The following NFASC variants were observed in gnomAD, a reference collection of about 807,000 sequenced individuals.
The protein encoded by NFASC is neurofascin.
Under a neutral mutation model 147.5 loss-of-function variants are expected in NFASC, and 43 were observed. The ratio of observed to expected loss-of-function variants is 0.29; its 90% confidence interval spans 0.23 to 0.38. NFASC has a LOEUF of 0.38. Ranked by LOEUF, NFASC falls within the 10% of genes least tolerant of loss-of-function variation. The pLI, the probability that NFASC is intolerant of heterozygous loss-of-function variation, is 1.00. For missense variants in NFASC, 1,320 were observed against 1,689.0 expected (o/e 0.78, Z 3.83); for synonymous variants, 622 against 665.5 (o/e 0.93, Z 1.01).
At chr1:204,919,283 C>A (rs2089974565) in intron 1 of NFASC, among the ~76,000 whole-genome samples, 1 of 152,168 alleles carries the variant, frequency 6.6e-6, no homozygotes, top group Non-Finnish European at 1.5e-5. Flanking sequence ...CCTCAGCCTC[C>A]CAAAGTGCTA....
intron 16 of NFASC, chr1:204,977,192 T>G (rs2095424794): frequency 1.1e-6 from 1 of 923,404 alleles, no homozygotes; most frequent in Non-Finnish European, 1.3e-6. Context: ...CCAGCCTTCC[T>G]TTCCCTCCCG....
At chr1:205,008,015 G>C (rs1266767340) in intron 27 of NFASC, among the ~76,000 whole-genome samples, 2 of 152,170 alleles carry the variant, frequency 1.3e-5, no homozygotes, top group African/African-American at 4.8e-5. Context: ...GTACTCACAA[G>C]CCTTGTTCTC....
chr1:204,997,348 C>T lies in NFASC; in HGVS notation c.2961C>T (p.Ala987=). 2 of 1,558,504 alleles carry T rather than the reference C, an allele frequency of 1.3e-6. No homozygotes were observed. Among genetic ancestry groups the T allele is most frequent in the South Asian group, 1.2e-5 (1 of 85,378 alleles). Residue 987 remains alanine, a synonymous_variant, in exon 25 of 30, where the codon GCC becomes GCT. Coordinates refer to ENST00000339876, the MANE Select transcript of NFASC (RefSeq NM_001005388.3). ...CAACTACTACAACCACTGCTGCCGC[C>T]ACCACCACCACGGAGAGTCCTCCCA... ...VATTTTTTAA[A]TTTTESPPTT...
intron 2 of NFASC, among the ~76,000 whole-genome samples, chr1:204,925,136 A>G (rs2091262657): frequency 6.6e-6 from 1 of 152,182 alleles, no homozygotes; most frequent in Non-Finnish European, 1.5e-5. Flanking sequence ...AGCCTCCCAA[A>G]GTGCTGGGAT....
At chr1:204,984,321 T>TTATATATATATGTGTGTGTGTGTG in intron 21 of NFASC, 1 of 494,652 alleles carries the variant, frequency 2.0e-6, no homozygotes, top group Non-Finnish European at 3.6e-6. Context: ...GAAAAAAAAA[T>TTATATATATATGTGTGTGTGTGTG]TATATATATA....
Position 205,016,826 on chromosome 1 carries a change from G to T in NFASC, c.*287G>T. The T allele has an allele frequency of 2.0e-6, 1 of 501,920 alleles. No homozygotes were observed. The highest frequency in any genetic ancestry group is 3.7e-6 in the Non-Finnish European group (1 of 270,996). The allele number at this position is 501,920 out of a possible 1,614,324, so 31.1% of individuals were successfully genotyped here. On this transcript the variant is annotated 3_prime_UTR_variant, in exon 30 of 30. Transcript: ENST00000339876. The surrounding 1 kb of genome is among the most constrained non-coding windows in gnomAD (Gnocchi z 5.1). ...GCCCGGTCTCGCAGCCACCCCGAGC[G>T]TTCCACCACACTGTCCGCCCTTGGC...
At chr1:204,861,205 C>A (rs1427295316) in intron 1 of NFASC, among the ~76,000 whole-genome samples, 1 of 149,444 alleles carries the variant, frequency 6.7e-6, no homozygotes, top group Non-Finnish European at 1.5e-5. Flanking sequence ...CCTCCCACCT[C>A]AACCTCCTGA....
rs139508953 is a variant in NFASC at position 204,968,962 on chromosome 1, C to T, written c.983C>T (p.Thr328Met). 41 of 1,613,744 alleles carry T rather than the reference C, an allele frequency of 2.5e-5. No homozygotes were observed. The highest frequency in any genetic ancestry group is 1.3e-4 in the East Asian group (6 of 44,874). ...AACAAGATGGGCAGCATCCGGCACA[C>T]GATCTCGGTGAGAGTAAAGGGTACG... Reference protein sequence around the residue: ...ASNKMGSIRHTISVRVKAAPY... With the variant: ...ASNKMGSIRHMISVRVKAAPY... Residue 328 changes from threonine to methionine, a missense_variant, in exon 10 of 30, where the codon ACG becomes ATG. Thr to Met is a moderately conservative substitution (Grantham distance 81, BLOSUM62 -1). This residue lies in a region of NFASC where 981 missense variants were observed against 1,289.5 expected (regional missense o/e 0.76). Transcript: ENST00000339876. The surrounding 1 kb of genome is among the most constrained non-coding windows in gnomAD (Gnocchi z 5.4).
chr1:204,880,504 C>T (rs1244976067), intron 1 of NFASC, among the ~76,000 whole-genome samples: 10 of 152,038 alleles, frequency 6.6e-5, no homozygotes, highest in Admixed American at 2.0e-4. Context: ...TACAGGCACC[C>T]GCCACCACGC....
At chr1:204,907,499 A>G (rs1467842510) in intron 1 of NFASC, among the ~76,000 whole-genome samples, 1 of 152,184 alleles carries the variant, frequency 6.6e-6, no homozygotes, top group East Asian at 1.9e-4. Context: ...AGGCAGGCAT[A>G]CATACCTTCA....
intron 1 of NFASC, among the ~76,000 whole-genome samples, chr1:204,881,736 T>C (rs1012175288): frequency 2.6e-5 from 4 of 152,146 alleles, no homozygotes; most frequent in African/African-American, 9.7e-5. Context: ...TGACAAAGAT[T>C]CTTTGCTTGA....
At chr1:204,861,640 C>T (rs2076683160) in intron 1 of NFASC, among the ~76,000 whole-genome samples, 1 of 152,184 alleles carries the variant, frequency 6.6e-6, no homozygotes, top group African/African-American at 2.4e-5. Context: ...CAGGCTCCTG[C>T]CACCACGCCC....
At chr1:204,892,581 T>C (rs989586886) in intron 1 of NFASC, among the ~76,000 whole-genome samples, 12 of 152,216 alleles carry the variant, frequency 7.9e-5, no homozygotes, top group Non-Finnish European at 1.5e-4. Flanking sequence ...CATGTGACTA[T>C]TGAGCACTTG....
At position 204,927,039 on chromosome 1, in the gene NFASC, C is replaced by T. The variant is rs950081486; in HGVS notation, c.-91+6299C>T. 4.6e-5 allele frequency among the ~76,000 whole-genome samples: 7 copies of T among 152,258 alleles called. No homozygotes were observed. In the East Asian group the frequency reaches 1.4e-3, roughly 30 times the overall value. On this transcript the variant is annotated intron_variant, in intron 2 of 29. Coordinates refer to ENST00000339876, the MANE Select transcript of NFASC (RefSeq NM_001005388.3). ...GCAGTGAGCCGAGATGGCGCCACTG[C>T]ACTCTGGCCTGGATGACAGAGGGAG...
intron 2 of NFASC, 92 bp from the exon 3 acceptor site, chr1:204,944,134 G>A (rs2093555845): frequency 1.8e-6 from 2 of 1,087,312 alleles, no homozygotes; most frequent in East Asian, 5.1e-5. Flanking sequence ...TGTGACCAAG[G>A]GGGCTCTTCG....
At chr1:205,005,237 T>C (rs1337361970) in intron 27 of NFASC, among the ~76,000 whole-genome samples, 1 of 152,214 alleles carries the variant, frequency 6.6e-6, no homozygotes, top group African/African-American at 2.4e-5. Context: ...ATCCCCGTTA[T>C]ATTTGTTAAT....
intron 26 of NFASC, 54 bp downstream of exon 26, chr1:205,001,340 C>T (rs777891257): frequency 6.1e-6 from 7 of 1,144,106 alleles, no homozygotes; most frequent in Admixed American, 1.9e-5. Context: ...GCAGCAGCGG[C>T]GGGTAGTGGT....
At chr1:204,861,576 G>A (rs1210859232) in intron 1 of NFASC, among the ~76,000 whole-genome samples, 1 of 152,110 alleles carries the variant, frequency 6.6e-6, no homozygotes, top group Non-Finnish European at 1.5e-5. Flanking sequence ...TGCAAGCTCC[G>A]CCTTCAGGGT....
At chr1:204,913,620 G>A (rs1181555096) in intron 1 of NFASC, among the ~76,000 whole-genome samples, 2 of 152,160 alleles carry the variant, frequency 1.3e-5, no homozygotes, top group African/African-American at 4.8e-5. Flanking sequence ...TATACAGTTA[G>A]ATCCCTTCTT....
Sources: gnomAD v4.1 joint callset for allele counts (sites outside exome capture counted in the v4.1 genomes callset) on GRCh38, gnomAD v4.1.1 for gene constraint, gnomAD v4.1.1 regional missense constraint, Gnocchi (gnomAD v3.1) non-coding constraint, MANE v1.5 for transcripts, NCBI Gene and HGNC (gene_info 2026-07-23, HGNC 2026-07-21) for gene names.